Variants in PEBP4 observed in about 807,000 individuals in gnomAD.
PEBP4 encodes phosphatidylethanolamine binding protein 4.
In PEBP4, 22 loss-of-function variants were observed where a neutral mutation model predicts 23.9. The observed-to-expected ratio is 0.92, with a 90% CI of 0.66 to 1.31. PEBP4 has a LOEUF of 1.31. Among genes scored for constraint, PEBP4 ranks in the 40% most tolerant of loss-of-function variants. PEBP4 has a pLI of 0.00. For synonymous variants in PEBP4, 112 were observed against 99.3 expected, an observed-to-expected ratio of 1.13 and a Z score of -0.76; for missense variants, 324 against 281.7, an observed-to-expected ratio of 1.15 and a Z score of -1.07.
rs113596540 is a variant in PEBP4 at position 22,845,393 on chromosome 8, G to A, written c.259-27658C>T. ...ACAAAAAAAAAAAAAAAAATTGCTGGGTGTGGTGGTGTGTGCCTATAGTCC... is the reference window on the plus strand; with the variant it reads ...ACAAAAAAAAAAAAAAAAATTGCTGAGTGTGGTGGTGTGTGCCTATAGTCC... On this transcript the variant is annotated intron_variant, in intron 3 of 6. Coordinates refer to ENST00000256404, the MANE Select transcript of PEBP4 (RefSeq NM_144962.3). Among the ~76,000 whole-genome samples, 10 of 152,012 alleles carry A rather than the reference G, an allele frequency of 6.6e-5. 1 individual carries two copies. Among genetic ancestry groups the A allele is most frequent in the African/African-American group, 2.4e-4 (10 of 41,374 alleles).
chr8:22,912,212 G>C (rs1047334125), intron 3 of PEBP4, among the ~76,000 whole-genome samples: 3 of 152,194 alleles, frequency 2.0e-5, no homozygotes, highest in Admixed American at 2.0e-4. Flanking sequence ...TGGCCGTTCT[G>C]TTAAGGTTTC....
At chr8:22,799,660 C>T (rs145722195) in intron 4 of PEBP4, among the ~76,000 whole-genome samples, 1 of 152,188 alleles carries the variant, frequency 6.6e-6, no homozygotes, top group Non-Finnish European at 1.5e-5. Flanking sequence ...CCCATTAACT[C>T]GTCATTTACA....
At chr8:22,859,384 G>A (rs1264729485) in intron 3 of PEBP4, among the ~76,000 whole-genome samples, 1 of 152,228 alleles carries the variant, frequency 6.6e-6, no homozygotes, top group Non-Finnish European at 1.5e-5. Context: ...AATCTCATTA[G>A]TTTCCCTTAG....
intron 3 of PEBP4, among the ~76,000 whole-genome samples, chr8:22,901,784 T>C (rs990371035): frequency 3.9e-5 from 6 of 152,232 alleles, no homozygotes; most frequent in Non-Finnish European, 7.3e-5. Context: ...CACCGTTCTG[T>C]GACAGATGTT....
chr8:22,802,191 C>T (rs920919128), intron 4 of PEBP4, among the ~76,000 whole-genome samples: 6 of 152,168 alleles, frequency 3.9e-5, no homozygotes, highest in African/African-American at 7.2e-5. Flanking sequence ...TGCTCTCTCC[C>T]GACTCTGGGC....
At chr8:22,837,830 C>T (rs1175029101) in intron 3 of PEBP4, among the ~76,000 whole-genome samples, 1 of 149,924 alleles carries the variant, frequency 6.7e-6, no homozygotes, top group East Asian at 2.0e-4. Flanking sequence ...CTTCCATATT[C>T]TGCTATGTAT....
At chr8:22,875,137 C>CGGAGCCAGCT (rs1165334932) in intron 3 of PEBP4, among the ~76,000 whole-genome samples, 7 of 151,972 alleles carry the variant, frequency 4.6e-5, no homozygotes, top group Admixed American at 4.6e-4. Flanking sequence ...ATTTAGCCCT[C>CGGAGCCAGCT]GGAGCCAGCT....
intron 3 of PEBP4, among the ~76,000 whole-genome samples, chr8:22,906,140 C>T (rs941585230): frequency 2.0e-5 from 3 of 152,138 alleles, no homozygotes; most frequent in African/African-American, 7.2e-5. Context: ...AGCCTACCCC[C>T]ACCCCTCACT....
At chr8:22,727,135 T>C (rs1188210988) in intron 5 of PEBP4, 40 bp downstream of exon 5, 3 of 1,608,084 alleles carry the variant, frequency 1.9e-6, no homozygotes, top group Non-Finnish European at 2.6e-6. Flanking sequence ...TCGTCACTGA[T>C]GCCCTGGCTG....
At chr8:22,904,536 A>T (rs1808772128) in intron 3 of PEBP4, among the ~76,000 whole-genome samples, 2 of 152,152 alleles carry the variant, frequency 1.3e-5, no homozygotes, top group Admixed American at 6.5e-5. Flanking sequence ...TTTCCTTCTT[A>T]TTAAAGTAAT....
At chr8:22,779,008 C>T (rs527434979) in intron 4 of PEBP4, among the ~76,000 whole-genome samples, 75 of 135,708 alleles carry the variant, frequency 5.5e-4, no homozygotes, top group African/African-American at 1.9e-3. Flanking sequence ...GCATGGGAGG[C>T]GGTGACTAAT....
chr8:22,872,083 C>T (rs1563244335), intron 3 of PEBP4, among the ~76,000 whole-genome samples: 1 of 152,136 alleles, frequency 6.6e-6, no homozygotes, highest in African/African-American at 2.4e-5. Context: ...TAGCTCCATC[C>T]AAGTTGCTGT....
chr8:22,816,991 T>C (rs1806755759), intron 4 of PEBP4, among the ~76,000 whole-genome samples: 1 of 152,242 alleles, frequency 6.6e-6, no homozygotes, highest in Non-Finnish European at 1.5e-5. Context: ...AAAACTTGTT[T>C]GGCAACACAG....
chr8:22,907,437 G>A (rs181655464), intron 3 of PEBP4, among the ~76,000 whole-genome samples: 4 of 152,234 alleles, frequency 2.6e-5, no homozygotes, highest in Non-Finnish European at 4.4e-5. Flanking sequence ...ACTTGAACCC[G>A]GGAGGCAGAA....
intron 6 of PEBP4, among the ~76,000 whole-genome samples, chr8:22,715,009 A>G (rs1804383561): frequency 6.6e-6 from 1 of 152,222 alleles, no homozygotes; most frequent in Non-Finnish European, 1.5e-5. Flanking sequence ...AAAAGGGAGG[A>G]CTGTTCCCAT....
At chr8:22,796,086 G>A (rs1300275547) in intron 4 of PEBP4, among the ~76,000 whole-genome samples, 1 of 152,330 alleles carries the variant, frequency 6.6e-6, no homozygotes, top group Non-Finnish European at 1.5e-5. Flanking sequence ...CTCCAATATG[G>A]CGGACACTCG....
intron 4 of PEBP4, among the ~76,000 whole-genome samples, chr8:22,742,725 T>G (rs912612842): frequency 6.6e-6 from 1 of 152,184 alleles, no homozygotes; most frequent in African/African-American, 2.4e-5. Flanking sequence ...CATCGCCTTG[T>G]GGAAAAAGGC....
At chr8:22,937,957 G>A (rs893600277) in intron 1 of PEBP4, among the ~76,000 whole-genome samples, 5 of 152,188 alleles carry the variant, frequency 3.3e-5, no homozygotes, top group African/African-American at 9.7e-5. Flanking sequence ...AGATCTAAAT[G>A]TAAGAGCTGA....
intron 4 of PEBP4, among the ~76,000 whole-genome samples, chr8:22,793,867 A>T (rs761336324): frequency 6.6e-6 from 1 of 152,238 alleles, no homozygotes; most frequent in African/African-American, 2.4e-5. Context: ...CATTCAATAC[A>T]CACAGCCAAA....
Sources: allele counts gnomAD v4.1 joint callset (sites outside exome capture counted in the v4.1 genomes callset), GRCh38; gene constraint gnomAD v4.1.1; transcripts MANE v1.5; gene names NCBI Gene and HGNC (gene_info 2026-07-23, HGNC 2026-07-21).